Variants in BNC2 observed in about 807,000 individuals in gnomAD.
BNC2 encodes zinc finger protein basonuclin-2.
In BNC2, 20 loss-of-function variants were observed where a neutral mutation model predicts 76.3. The ratio of observed to expected loss-of-function variants is 0.26; its 90% CI spans 0.18 to 0.38. The LOEUF is 0.38. Among genes scored for constraint, BNC2 ranks in the 10% least tolerant of loss-of-function variants. The pLI is 1.00. For missense variants in BNC2, 1,382 were observed against 1,399.8 expected, an observed-to-expected ratio of 0.99 and a Z score of 0.20; for synonymous variants, 582 against 514.8, an observed-to-expected ratio of 1.13 and a Z score of -1.77.
chr9:16,610,759 A>T (rs1402145349), intron 3 of BNC2, among the ~76,000 whole-genome samples: 1 of 152,166 alleles, frequency 6.6e-6, no homozygotes, highest in African/African-American at 2.4e-5. Context: ...GTACAACATC[A>T]TACACACACT....
rs1820612869 is a variant in BNC2, at chr9:16,417,636, C to G, written c.*1353G>C. On this transcript the variant is annotated 3_prime_UTR_variant, in exon 7 of 7. Transcript: ENST00000380672. ...ATTAGACAGCCATACAACAGACCGA[C>G]CCAGTTCAGAGGATTTCTTTTTAAA... 6.6e-6 allele frequency: 1 copy of G among 152,512 alleles called. No homozygotes were observed. Among genetic ancestry groups the G allele is most frequent in the Admixed American group, 6.5e-5 (1 of 15,276 alleles). The allele number at this position is 152,512 out of a possible 1,614,324, so 9.4% of individuals were successfully genotyped here. A position where few individuals can be genotyped will look rare whatever the true frequency, so the allele number is the denominator to read the frequency against.
At chr9:16,694,819 T>G (rs1823287743) in intron 3 of BNC2, among the ~76,000 whole-genome samples, 1 of 151,910 alleles carries the variant, frequency 6.6e-6, no homozygotes, top group Non-Finnish European at 1.5e-5. Context: ...GACCCCAGAC[T>G]AAAAAGAGAA....
intron 3 of BNC2, among the ~76,000 whole-genome samples, chr9:16,693,482 C>G (rs1431404087): frequency 1.3e-5 from 2 of 152,158 alleles, no homozygotes; most frequent in African/African-American, 4.8e-5. Context: ...CTGAGACCCA[C>G]TGTGACAGAA....
chr9:16,844,459 G>A (rs1048173743), intron 1 of BNC2, among the ~76,000 whole-genome samples: 5 of 149,966 alleles, frequency 3.3e-5, no homozygotes, highest in African/African-American at 1.2e-4. Flanking sequence ...GGGATGGGGA[G>A]CAAGAGTAGT....
chr9:16,776,874 C>G (rs1349175565), intron 1 of BNC2, among the ~76,000 whole-genome samples: 1 of 152,004 alleles, frequency 6.6e-6, no homozygotes, highest in Non-Finnish European at 1.5e-5. Flanking sequence ...ATCTGTAATC[C>G]CAGCACTTTG....
intron 3 of BNC2, among the ~76,000 whole-genome samples, chr9:16,663,727 A>G (rs1822182811): frequency 6.6e-6 from 1 of 152,218 alleles, no homozygotes; most frequent in Non-Finnish European, 1.5e-5. Context: ...GCCTGCTGGG[A>G]TATCTAATCC....
At chr9:16,448,102 G>A (rs1298238302) in intron 5 of BNC2, among the ~76,000 whole-genome samples, 1 of 152,016 alleles carries the variant, frequency 6.6e-6, no homozygotes, top group Non-Finnish European at 1.5e-5. Context: ...CCTGGTCTTA[G>A]GACAGCTATA....
intron 1 of BNC2, among the ~76,000 whole-genome samples, chr9:16,814,788 C>T (rs926841636): frequency 2.6e-5 from 4 of 152,184 alleles, no homozygotes; most frequent in African/African-American, 7.2e-5. Flanking sequence ...GGCTCCTATA[C>T]ATTATGGTGA....
chr9:16,622,921 C>G (rs1442901497), intron 3 of BNC2, among the ~76,000 whole-genome samples: 1 of 152,028 alleles, frequency 6.6e-6, no homozygotes, highest in Non-Finnish European at 1.5e-5. Context: ...AAACGATGAA[C>G]AACTTTATTC....
At chr9:16,615,004 A>AAAAAAAAAG (rs1281440121) in intron 3 of BNC2, among the ~76,000 whole-genome samples, 2 of 113,082 alleles carry the variant, frequency 1.8e-5, no homozygotes, top group Non-Finnish European at 3.6e-5. Context: ...AAAAAAAAAA[A>AAAAAAAAAG]GCCAAGCAGG....
At position 16,410,453 on chromosome 9, in the gene BNC2, C is replaced by T. The variant is rs182310509; in HGVS notation, c.*8536G>A. The stretch of plus-strand genomic sequence containing the variant: ...CTTCATGTACCCAGGTTTAGCTCTC[C>T]TGCATTCTTTATACTGGCACTGGCA... On this transcript the variant is annotated 3_prime_UTR_variant, in exon 7 of 7. Coordinates refer to ENST00000380672, the MANE Select transcript of BNC2 (RefSeq NM_017637.6). 9 of 152,764 alleles carry T rather than the reference C, an allele frequency of 5.9e-5. No homozygotes were observed. The highest frequency in any genetic ancestry group is 2.9e-5 in the Non-Finnish European group (2 of 68,040). 9.5% of individuals were successfully genotyped at this position (152,764 alleles called of 1,614,324 possible).
intron 3 of BNC2, among the ~76,000 whole-genome samples, chr9:16,724,720 C>G (rs1224084939): frequency 1.3e-5 from 2 of 151,968 alleles, no homozygotes; most frequent in African/African-American, 4.8e-5. Context: ...TCATATGAAA[C>G]AAAAGACAAA....
intron 1 of BNC2, among the ~76,000 whole-genome samples, chr9:16,828,360 C>A (rs898024531): frequency 6.6e-6 from 1 of 152,144 alleles, no homozygotes; most frequent in African/African-American, 2.4e-5. Flanking sequence ...ATAATACTTA[C>A]AAAACCCTAA....
At chr9:16,561,082 T>C (rs1401154149) in intron 4 of BNC2, among the ~76,000 whole-genome samples, 3 of 151,998 alleles carry the variant, frequency 2.0e-5, no homozygotes, top group African/African-American at 7.2e-5. Context: ...CTATTAAAAC[T>C]ACAAAAATTA....
intron 1 of BNC2, among the ~76,000 whole-genome samples, chr9:16,778,265 T>C (rs1465000207): frequency 6.6e-6 from 1 of 152,146 alleles, no homozygotes; most frequent in African/African-American, 2.4e-5. Context: ...TTTAAGGCAA[T>C]AAATGATGTT....
At chr9:16,674,541 T>G (rs1675150220) in intron 3 of BNC2, among the ~76,000 whole-genome samples, 1 of 152,050 alleles carries the variant, frequency 6.6e-6, no homozygotes, top group Non-Finnish European at 1.5e-5. Context: ...GTTTACTTAT[T>G]TAATCAGGCA....
chr9:16,529,199 A>C (rs1817903349), intron 5 of BNC2, among the ~76,000 whole-genome samples: 1 of 151,956 alleles, frequency 6.6e-6, no homozygotes, highest in Admixed American at 6.6e-5. Flanking sequence ...ATCTGCAAAA[A>C]CCCTTTTTTC....
intron 1 of BNC2, among the ~76,000 whole-genome samples, chr9:16,803,658 C>G (rs1035456789): frequency 1.3e-5 from 2 of 152,270 alleles, no homozygotes; most frequent in African/African-American, 4.8e-5. Context: ...ATGGGCTACT[C>G]AGCCGGTGAC....
chr9:16,615,748 T>C (rs1820679251), intron 3 of BNC2, among the ~76,000 whole-genome samples: 1 of 152,212 alleles, frequency 6.6e-6, no homozygotes, highest in African/African-American at 2.4e-5. Flanking sequence ...ATTTGTCTTT[T>C]GTTACAGAGT....
Sources: gnomAD v4.1 joint callset for allele counts (sites outside exome capture counted in the v4.1 genomes callset) on GRCh38, gnomAD v4.1.1 for gene constraint, MANE v1.5 for transcripts, NCBI Gene and HGNC (gene_info 2026-07-23, HGNC 2026-07-21) for gene names.